ZFP62: variants seen among roughly 807,000 people sequenced by gnomAD.
The protein encoded by ZFP62 is ZFP62 zinc finger protein.
A neutral mutation model predicts 56.4 loss-of-function variants in ZFP62; 44 were observed. The ratio of observed to expected loss-of-function variants is 0.78; its 90% CI spans 0.61 to 1.00. The LOEUF is 1.00. ZFP62 is among the 50% of genes least tolerant of loss of function. The probability of loss-of-function intolerance (pLI) is 0.00; values close to 1 mark genes in which losing one functional copy is unlikely to be tolerated. For missense variants in ZFP62, 1,030 were observed against 1,085.7 expected (o/e 0.95, Z 0.72); for synonymous variants, 421 against 388.9 (o/e 1.08, Z -0.97).
the ZFP62 span, among the ~76,000 whole-genome samples, chr5:180,839,160 C>G: frequency 6.6e-6 from 1 of 152,160 alleles, no homozygotes; most frequent in African/African-American, 2.4e-5. Flanking sequence ...CATGTATATA[C>G]AGTCAGGTTC....
At chr5:180,836,456 C>T in the ZFP62 span, among the ~76,000 whole-genome samples, 1 of 152,182 alleles carries the variant, frequency 6.6e-6, no homozygotes, top group African/African-American at 2.4e-5. Flanking sequence ...AGTGTTCTCC[C>T]CTGTGGGTCT....
At chr5:180,830,409 T>C in the ZFP62 span, 1 of 152,436 alleles carries the variant, frequency 6.6e-6, no homozygotes, top group Admixed American at 6.5e-5. Context: ...GCAACCTTCT[T>C]AGATCAAGGG....
At position 180,850,286 on chromosome 5, in the gene ZFP62, G is replaced by C; in HGVS notation, c.1209C>G (p.Ser403Arg). ...TATGGACTGCGAGGCCTGAGCTATA[G>C]CTGAATGCTTTGCCACAGACATCAC... ...YKCDVCGKAFSYSSGLAVHKS... is the reference protein window; with the variant it reads ...YKCDVCGKAFRYSSGLAVHKS... The change falls in exon 2 of 2, where the codon AGC becomes AGG. Residue 403 changes from serine (S) to arginine (R), a missense_variant. Ser to Arg is a moderately radical substitution (Grantham distance 110, BLOSUM62 -1). Coordinates refer to ENST00000502412, the MANE Select transcript of ZFP62 (RefSeq NM_001172638.2). The C allele has an allele frequency of 6.4e-7, 1 of 1,559,920 alleles. No homozygotes were observed. The highest frequency in any genetic ancestry group is 8.7e-7 in the Non-Finnish European group (1 of 1,151,976).
chr5:180,842,266 T>C, the ZFP62 span, among the ~76,000 whole-genome samples: 1 of 152,102 alleles, frequency 6.6e-6, no homozygotes, highest in African/African-American at 2.4e-5. Context: ...AAGGCTTTAT[T>C]TGGAGTCCTA....
In ZFP62 at chr5:180,850,345, T is replaced by C; in HGVS notation, c.1150A>G (p.Lys384Glu). 6.4e-7 allele frequency: 1 copy of C among 1,570,324 alleles called. No homozygotes were observed. Among genetic ancestry groups the C allele is most frequent in the Non-Finnish European group, 8.6e-7 (1 of 1,157,804 alleles). The change falls in exon 2 of 2, where the codon AAA becomes GAA. Residue 384 changes from lysine to glutamate, a missense_variant. Lys to Glu is a moderately conservative substitution (Grantham distance 56, BLOSUM62 1). Coordinates refer to ENST00000502412, the MANE Select transcript of ZFP62 (RefSeq NM_001172638.2). ...GGTTTCTCTCCTGTGTGGATCCTTT[T>C]ATGCACTATGAGGCCTGAGCTGTTC... Reference protein sequence around the residue: ...FRNSSGLIVHKRIHTGEKPYK... With the variant: ...FRNSSGLIVHERIHTGEKPYK...
intron 1 of ZFP62, 24 bp from the exon 2 acceptor site, chr5:180,851,517 C>T: frequency 1.3e-6 from 2 of 1,494,210 alleles, no homozygotes; most frequent in African/African-American, 1.4e-5. Flanking sequence ...ATGAAAAGGA[C>T]ACCTATTCAC....
downstream of ZFP62, among the ~76,000 whole-genome samples, chr5:180,843,315 T>C (rs891525759): frequency 6.6e-6 from 1 of 151,958 alleles, no homozygotes; most frequent in Non-Finnish European, 1.5e-5. Context: ...AGAAAAAGTA[T>C]ATAACTTCCA....
At chr5:180,854,786 G>C (rs575092564) in intron 1 of ZFP62, among the ~76,000 whole-genome samples, 1 of 152,112 alleles carries the variant, frequency 6.6e-6, no homozygotes, top group Non-Finnish European at 1.5e-5. Context: ...GGAGAGAAGA[G>C]GGGGGACTGT....
At chr5:180,858,075 A>G (rs1452156993) in intron 1 of ZFP62, among the ~76,000 whole-genome samples, 2 of 132,494 alleles carry the variant, frequency 1.5e-5, no homozygotes, top group East Asian at 5.1e-4. Context: ...CAACATGGTG[A>G]AACCCCATCT....
chr5:180,841,107 T>C, the ZFP62 span, among the ~76,000 whole-genome samples: 29 of 152,134 alleles, frequency 1.9e-4, no homozygotes, highest in Admixed American at 1.8e-3. Flanking sequence ...TGAATTGAAA[T>C]GACCCCAAAA....
the ZFP62 span, among the ~76,000 whole-genome samples, chr5:180,829,632 A>C: frequency 6.6e-6 from 1 of 152,230 alleles, no homozygotes; most frequent in South Asian, 2.1e-4. Context: ...TTCTATCTAA[A>C]TTTTTATCTG....
intron 1 of ZFP62, among the ~76,000 whole-genome samples, chr5:180,858,898 C>G (rs986729305): frequency 1.3e-5 from 2 of 152,202 alleles, no homozygotes. Context: ...CTGGTTACAT[C>G]AGCCAAAAGC....
Position 180,851,248 on chromosome 5 carries a change from T to C in ZFP62, c.247A>G (p.Thr83Ala). 6.4e-7 allele frequency: 1 copy of C among 1,551,656 alleles called. No individual in the cohort carries two copies. The highest frequency in any genetic ancestry group is 8.7e-7 in the Non-Finnish European group (1 of 1,146,992). ...TCAGATGCCTCACCTTCCTGTTCTGTCTTTATATTTGCTGTACTCTTGGCT... is the reference window on the plus strand; with the variant it reads ...TCAGATGCCTCACCTTCCTGTTCTGCCTTTATATTTGCTGTACTCTTGGCT... ...SKAKSTANIK[T>A]EQEGEASEKS... Residue 83 changes from threonine to alanine, a missense_variant, in exon 2 of 2, where the codon ACA becomes GCA. By Grantham distance (58) the Thr-to-Ala change is moderately conservative (BLOSUM62 0). Transcript: ENST00000502412.
At chr5:180,834,342 C>T in the ZFP62 span, 1 of 152,424 alleles carries the variant, frequency 6.6e-6, no homozygotes, top group East Asian at 1.9e-4. Flanking sequence ...TCATAGATCA[C>T]TGCAGCCTCA....
Position 180,850,001 on chromosome 5 carries a change from G to C in ZFP62, c.1494C>G (p.Ile498Met). The C allele has an allele frequency of 6.4e-7, 1 of 1,551,638 alleles. No homozygotes were observed. Among genetic ancestry groups the C allele is most frequent in the Non-Finnish European group, 8.7e-7 (1 of 1,146,986 alleles). ...ATTTATAGGGCTTCTCCCCAAGGTG[G>C]ATTCCTTTGTGATTTTTAAGGCTAG... ...SRSSLKNHKG[I>M]HLGEKPYKCS... is the part of the protein sequence containing the mutation. The change falls in exon 2 of 2, where the codon ATC becomes ATG. Residue 498 changes from isoleucine (I) to methionine (M), a missense_variant. Transcript: ENST00000502412.
In ZFP62 at chr5:180,849,118, C is replaced by A. The variant is rs1173646118; in HGVS notation, c.2377G>T (p.Ala793Ser). 1 of 1,558,960 alleles carries A rather than the reference C, an allele frequency of 6.4e-7. No homozygotes were observed. Among genetic ancestry groups the A allele is most frequent in the South Asian group, 1.2e-5 (1 of 84,470 alleles). Reference protein sequence around the residue: ...KPYECDECGKAYISHSSLINH... With the variant: ...KPYECDECGKSYISHSSLINH... Reference sequence around the variant, plus strand: ...ATAAGACTTGAGTGTGAGATGTATGCCTTCCCACACTCATCACATTCATAG... The same window carrying A: ...ATAAGACTTGAGTGTGAGATGTATGACTTCCCACACTCATCACATTCATAG... Residue 793 changes from alanine (A) to serine (S), a missense_variant, in exon 2 of 2, where the codon GCA (alanine) becomes TCA (serine). Coordinates refer to ENST00000502412, the MANE Select transcript of ZFP62 (RefSeq NM_001172638.2).
the ZFP62 span, among the ~76,000 whole-genome samples, chr5:180,829,154 TTG>T: frequency 7.1e-6 from 1 of 140,028 alleles, no homozygotes; most frequent in African/African-American, 3.3e-5. Context: ...CTTTTGCCCC[TTG>T]TCCTGTTTCC....
chr5:180,841,119 G>A, the ZFP62 span, among the ~76,000 whole-genome samples: 1 of 151,966 alleles, frequency 6.6e-6, no homozygotes, highest in Non-Finnish European at 1.5e-5. Flanking sequence ...ACCCCAAAAC[G>A]TCTTAACTAT....
chr5:180,857,720 C>T (rs1189740837), intron 1 of ZFP62, among the ~76,000 whole-genome samples: 3 of 151,712 alleles, frequency 2.0e-5, no homozygotes, highest in South Asian at 2.1e-4. Flanking sequence ...CTGTCTCCAA[C>T]GCCTGACCTC....
Sources: gnomAD v4.1 joint callset for allele counts (sites outside exome capture counted in the v4.1 genomes callset) on GRCh38, gnomAD v4.1.1 for gene constraint, MANE v1.5 for transcripts, NCBI Gene and HGNC (gene_info 2026-07-23, HGNC 2026-07-21) for gene names.